The following TMEM196 variants were observed in gnomAD, a reference collection of about 807,000 sequenced individuals.
TMEM196 encodes the protein transmembrane protein 196.
In TMEM196, 17 loss-of-function variants were observed where a neutral mutation model predicts 20.0. That is an observed-to-expected ratio of 0.85 (90% confidence interval 0.58 to 1.27). The LOEUF is 1.27. TMEM196 is among the 50% of genes most tolerant of loss of function. The probability of loss-of-function intolerance (pLI) is 0.00; values close to 1 mark genes in which losing one functional copy is unlikely to be tolerated. For missense variants in TMEM196, 267 were observed against 223.0 expected, an observed-to-expected ratio of 1.20 and a Z score of -1.26; for synonymous variants, 113 against 88.9, an observed-to-expected ratio of 1.27 and a Z score of -1.52.
In TMEM196 at chr7:19,721,967, G is replaced by C; in HGVS notation, c.*161C>G. 1 of 909,898 alleles carries C rather than the reference G, an allele frequency of 1.1e-6. No homozygotes were observed. The highest frequency in any genetic ancestry group is 1.7e-6 in the Non-Finnish European group (1 of 583,554). The allele number at this position is 909,898 out of a possible 1,614,324, so 56.4% of individuals were successfully genotyped here. On this transcript the variant is annotated 3_prime_UTR_variant, in exon 5 of 5. Transcript: ENST00000405844. ...TTTAGGAAGAATAATTTTAGTGGAT[G>C]CTCAGGAGAGATAAATGCAAATGCA...
chr7:19,749,858 A>T (rs182502941), intron 1 of TMEM196, among the ~76,000 whole-genome samples: 1 of 152,284 alleles, frequency 6.6e-6, no homozygotes, highest in East Asian at 1.9e-4. Context: ...GAGTCATGCA[A>T]TCTTAACTTG....
chr7:19,750,670 T>C (rs575265037), intron 1 of TMEM196, among the ~76,000 whole-genome samples: 20 of 152,168 alleles, frequency 1.3e-4, no homozygotes, highest in African/African-American at 3.9e-4. Context: ...CTTAGCAGTC[T>C]ATAAACAAGT....
intron 2 of TMEM196, among the ~76,000 whole-genome samples, chr7:19,726,531 G>C (rs1268925562): frequency 6.6e-6 from 1 of 151,704 alleles, no homozygotes; most frequent in African/African-American, 2.4e-5. Flanking sequence ...TATACAATAG[G>C]CGTTCCAAAA....
chr7:19,753,932 C>T (rs1166602219), intron 1 of TMEM196, among the ~76,000 whole-genome samples: 2 of 152,124 alleles, frequency 1.3e-5, no homozygotes, highest in South Asian at 2.1e-4. Flanking sequence ...GGTTTGCCAC[C>T]GAAGGCACAT....
At position 19,729,652 on chromosome 7, in the gene TMEM196, T is replaced by C. The variant is rs752122969; in HGVS notation, c.148-214A>G. ...TTATTTTTTGCTAGATTGTTAGAGG[T>C]AATTGAATCAGTTTTAGCATCAGGT... is the stretch of plus-strand genomic sequence containing the variant. On this transcript the variant is annotated intron_variant, in intron 1 of 4. Coordinates refer to ENST00000405844, the MANE Select transcript of TMEM196 (RefSeq NM_001363562.2). Among the ~76,000 whole-genome samples, 36 of 152,172 alleles carry C rather than the reference T, an allele frequency of 2.4e-4. 1 individual carries two copies. The highest frequency in any genetic ancestry group is 5.2e-4 in the Admixed American group (8 of 15,276).
chr7:19,769,555 A>G (rs1007146546), intron 1 of TMEM196, among the ~76,000 whole-genome samples: 1 of 152,146 alleles, frequency 6.6e-6, no homozygotes, highest in Non-Finnish European at 1.5e-5. Flanking sequence ...CTCCACTGCC[A>G]GTCTGTGCAC....
intron 1 of TMEM196, among the ~76,000 whole-genome samples, chr7:19,742,012 C>T (rs1289650939): frequency 1.3e-5 from 2 of 152,102 alleles, no homozygotes; most frequent in African/African-American, 4.8e-5. Flanking sequence ...GTTCAATCTC[C>T]TCTTTAGACC....
Position 19,772,822 on chromosome 7 carries a change from G to A in TMEM196, c.-126C>T. 2.0e-6 allele frequency: 2 copies of A among 976,818 alleles called. No individual in the cohort carries two copies. The highest frequency in any genetic ancestry group is 2.7e-6 in the Non-Finnish European group (2 of 736,770). The allele number at this position is 976,818 out of a possible 1,614,324, so 60.5% of individuals were successfully genotyped here. On this transcript the variant is annotated 5_prime_UTR_variant, in exon 1 of 5. Coordinates refer to ENST00000405844, the MANE Select transcript of TMEM196 (RefSeq NM_001363562.2). Reference sequence around the variant, plus strand: ...CCAAAACTTTTCTTTCTTCAAGAGCGAGGCATTATCCACAAGGGCTGGATT... The same window carrying A: ...CCAAAACTTTTCTTTCTTCAAGAGCAAGGCATTATCCACAAGGGCTGGATT...
At chr7:19,754,538 C>T (rs1419222327) in intron 1 of TMEM196, among the ~76,000 whole-genome samples, 2 of 152,116 alleles carry the variant, frequency 1.3e-5, no homozygotes, top group Admixed American at 1.3e-4. Context: ...TGAAAGCTTG[C>T]AATACATCGT....
At chr7:19,736,337 T>A (rs964200442) in intron 1 of TMEM196, among the ~76,000 whole-genome samples, 8 of 111,284 alleles carry the variant, frequency 7.2e-5, no homozygotes, top group African/African-American at 2.8e-4. Flanking sequence ...AGATCCCACT[T>A]TTCTAGTGGT....
At chr7:19,756,114 G>A (rs1338479213) in intron 1 of TMEM196, among the ~76,000 whole-genome samples, 1 of 149,894 alleles carries the variant, frequency 6.7e-6, no homozygotes, top group Non-Finnish European at 1.5e-5. Flanking sequence ...TCAGACAAAA[G>A]CTATGCAATA....
chr7:19,757,907 G>A (rs960992555), intron 1 of TMEM196, among the ~76,000 whole-genome samples: 1 of 149,860 alleles, frequency 6.7e-6, no homozygotes, highest in East Asian at 1.9e-4. Flanking sequence ...CATATAGGAT[G>A]ATTAAAAGGC....
intron 1 of TMEM196, among the ~76,000 whole-genome samples, chr7:19,758,498 G>A (rs1409130600): frequency 1.3e-5 from 2 of 152,106 alleles, no homozygotes; most frequent in Non-Finnish European, 2.9e-5. Context: ...TGAATCATCT[G>A]TCGAAATAAT....
intron 4 of TMEM196, among the ~76,000 whole-genome samples, chr7:19,723,817 A>G (rs117831575): frequency 0.026 from 3,893 of 152,310 alleles, 78 homozygotes; most frequent in South Asian, 0.069. Context: ...CACATAAGAT[A>G]ATTTTACAAG....
intron 1 of TMEM196, among the ~76,000 whole-genome samples, chr7:19,758,645 A>T (rs183515864): frequency 3.7e-4 from 57 of 152,344 alleles, no homozygotes; most frequent in Admixed American, 3.4e-3. Context: ...TCTCTGGTTC[A>T]TTGCATGACT....
chr7:19,771,493 G>A (rs566688264), intron 1 of TMEM196, among the ~76,000 whole-genome samples: 3 of 152,252 alleles, frequency 2.0e-5, no homozygotes, highest in Admixed American at 1.3e-4. Context: ...CTTGAACTCC[G>A]TAATAATCAT....
intron 1 of TMEM196, among the ~76,000 whole-genome samples, chr7:19,731,187 T>A (rs1035442800): frequency 2.6e-5 from 4 of 152,174 alleles, no homozygotes; most frequent in Admixed American, 2.6e-4. Context: ...ATTCGGAAAG[T>A]ATATGATAGC....
intron 1 of TMEM196, among the ~76,000 whole-genome samples, chr7:19,744,827 G>T (rs1354758484): frequency 1.3e-5 from 2 of 151,936 alleles, no homozygotes; most frequent in Admixed American, 1.3e-4. Context: ...ATATTTCTGG[G>T]AATACTGAAA....
chr7:19,768,775 C>G (rs1785737511), intron 1 of TMEM196, among the ~76,000 whole-genome samples: 1 of 152,094 alleles, frequency 6.6e-6, no homozygotes, highest in Non-Finnish European at 1.5e-5. Flanking sequence ...ATTTTTCCTT[C>G]TAATTGCCCA....
Sources: allele counts gnomAD v4.1 joint callset (sites outside exome capture counted in the v4.1 genomes callset), GRCh38; gene constraint gnomAD v4.1.1; transcripts MANE v1.5; gene names NCBI Gene and HGNC (gene_info 2026-07-23, HGNC 2026-07-21).